The following TUNAR variants were observed in gnomAD, a reference collection of about 807,000 sequenced individuals.
TUNAR encodes transmembrane neural differentiation associated intracellular calcium regulator.
intron 2 of TUNAR, among the ~76,000 whole-genome samples, chr14:95,907,217 G>A (rs1328556644): frequency 1.3e-5 from 2 of 152,158 alleles, no homozygotes; most frequent in East Asian, 1.9e-4. Context: ...CATTTAGGTT[G>A]CTTTTCGTAT....
At chr14:95,884,226 G>A (rs1889031896) in intron 2 of TUNAR, among the ~76,000 whole-genome samples, 1 of 152,142 alleles carries the variant, frequency 6.6e-6, no homozygotes, top group African/African-American at 2.4e-5. Context: ...AGTGCCCCCT[G>A]TGCCCAATAG....
intron 2 of TUNAR, among the ~76,000 whole-genome samples, chr14:95,887,170 G>A (rs992391850): frequency 3.2e-4 from 48 of 152,288 alleles, no homozygotes; most frequent in African/African-American, 1.2e-3. Flanking sequence ...AGCACCTAGT[G>A]CACACTTACG....
rs1889248860 is a variant in TUNAR, at chr14:95,895,545, G to A, written c.12+18368G>A. On this transcript the variant is annotated intron_variant, in intron 2 of 2. Coordinates refer to ENST00000678517, the Ensembl canonical transcript of TUNAR. This position sits in a 1 kb window ranked among gnomAD's most constrained non-coding sequence, Gnocchi z 4.5. ...TCATGTTAGCATCTGTTTTACAAGG[G>A]AGTTCCCGACGCATCCTCCAGGATC... Among the ~76,000 whole-genome samples the A allele has an allele frequency of 6.6e-6, 1 of 152,108 alleles. No homozygotes were observed. The highest frequency in any genetic ancestry group is 2.4e-5 in the African/African-American group (1 of 41,396).
chr14:95,898,721 C>T (rs78635318), intron 2 of TUNAR, among the ~76,000 whole-genome samples: 3,017 of 152,062 alleles, frequency 0.02, 45 homozygotes, highest in Non-Finnish European at 0.034. Context: ...AATCTATTTT[C>T]GTTTTATAGC....
intron 2 of TUNAR, among the ~76,000 whole-genome samples, chr14:95,913,305 T>C (rs982115074): frequency 3.3e-5 from 5 of 152,070 alleles, no homozygotes; most frequent in African/African-American, 4.8e-5. Context: ...GTCTTAATGC[T>C]CTCCCTCCCC....
At chr14:95,901,375 A>G (rs2139662744) in intron 2 of TUNAR, among the ~76,000 whole-genome samples, 1 of 152,364 alleles carries the variant, frequency 6.6e-6, no homozygotes, top group South Asian at 2.1e-4. Context: ...GTTGGGGGCC[A>G]GGGATTCTGT....
intron 2 of TUNAR, among the ~76,000 whole-genome samples, chr14:95,920,885 G>A (rs1014558389): frequency 5.3e-5 from 8 of 152,170 alleles, no homozygotes; most frequent in African/African-American, 1.9e-4. Flanking sequence ...TTATTATACA[G>A]AGTTGACTCG....
intron 2 of TUNAR, among the ~76,000 whole-genome samples, chr14:95,904,929 C>G (rs1040600477): frequency 6.6e-6 from 1 of 152,186 alleles, no homozygotes; most frequent in Non-Finnish European, 1.5e-5. Flanking sequence ...TGTCCCAGAG[C>G]CTGTCACCAA....
At chr14:95,922,890 T>G (rs1889719267) in exon 3 of TUNAR, 1 of 399,050 alleles carries the variant, frequency 2.5e-6, no homozygotes. Context: ...GAGAGTGTCT[T>G]GGCAATGCTG....
At chr14:95,906,721 A>G (rs1889431925) in intron 2 of TUNAR, among the ~76,000 whole-genome samples, 2 of 152,170 alleles carry the variant, frequency 1.3e-5, no homozygotes, top group African/African-American at 2.4e-5. Flanking sequence ...TTTACATTCC[A>G]TTTTGGGTTT....
At chr14:95,896,692 T>G (rs1224099963) in intron 2 of TUNAR, among the ~76,000 whole-genome samples, 1 of 152,216 alleles carries the variant, frequency 6.6e-6, no homozygotes, top group African/African-American at 2.4e-5. Context: ...TGCAAGCAGT[T>G]TGTAAGAAGT....
chr14:95,900,925 C>A (rs1889343048), intron 2 of TUNAR, among the ~76,000 whole-genome samples: 1 of 152,240 alleles, frequency 6.6e-6, no homozygotes, highest in South Asian at 2.1e-4. Flanking sequence ...TGAGACAGGA[C>A]TGAAGCCATG....
intron 2 of TUNAR, among the ~76,000 whole-genome samples, chr14:95,914,441 G>A (rs1889569691): frequency 6.6e-6 from 1 of 152,180 alleles, no homozygotes; most frequent in African/African-American, 2.4e-5. Context: ...GTTCTTATTA[G>A]CATCCATGGA....
At chr14:95,903,259 C>T (rs182169304) in intron 2 of TUNAR, among the ~76,000 whole-genome samples, 2 of 152,314 alleles carry the variant, frequency 1.3e-5, no homozygotes, top group East Asian at 1.9e-4. Context: ...TCTGTTGTTG[C>T]AAGCATTACA....
intron 2 of TUNAR, among the ~76,000 whole-genome samples, chr14:95,904,285 C>A (rs577336064): frequency 1.4e-4 from 22 of 152,294 alleles, no homozygotes; most frequent in African/African-American, 5.3e-4. Flanking sequence ...CACTGGGGAT[C>A]TGGGAGAAGG....
At chr14:95,898,161 C>T (rs1889293990) in intron 2 of TUNAR, among the ~76,000 whole-genome samples, 1 of 152,236 alleles carries the variant, frequency 6.6e-6, no homozygotes, top group Admixed American at 6.5e-5. Flanking sequence ...TTTATGCTCA[C>T]ACTGAAGGTC....
At chr14:95,884,602 T>G (rs1415825130) in intron 2 of TUNAR, among the ~76,000 whole-genome samples, 3 of 152,236 alleles carry the variant, frequency 2.0e-5, no homozygotes, top group Admixed American at 6.5e-5. Context: ...GGGTGACTCA[T>G]CATGGGACTG....
chr14:95,877,405 C>T (rs772041371), intron 2 of TUNAR, among the ~76,000 whole-genome samples: 4 of 152,246 alleles, frequency 2.6e-5, no homozygotes, highest in Non-Finnish European at 4.4e-5. Context: ...GTTTGACATG[C>T]AGGCGGGAGA....
At chr14:95,924,256 G>A (rs1224154285) in exon 3 of TUNAR, 1 of 152,204 alleles carries the variant, frequency 6.6e-6, no homozygotes, top group Non-Finnish European at 1.5e-5. Flanking sequence ...TGTGACAGGT[G>A]ACTTTTCAGG....
Sources: gnomAD v4.1 joint callset for allele counts (sites outside exome capture counted in the v4.1 genomes callset) on GRCh38, gnomAD v4.1.1 for gene constraint, Gnocchi (gnomAD v3.1) non-coding constraint, MANE v1.5 for transcripts, NCBI Gene and HGNC (gene_info 2026-07-23, HGNC 2026-07-21) for gene names.